Variants in NRG3 observed in about 807,000 individuals in gnomAD.
NRG3 encodes the protein pro-neuregulin-3, membrane-bound isoform.
Under a neutral mutation model 66.9 loss-of-function variants are expected in NRG3, and 31 were observed. That is an observed-to-expected ratio of 0.46 (90% confidence interval 0.35 to 0.63). The LOEUF (loss-of-function observed/expected upper bound fraction) is 0.63, where lower values mean the gene tolerates loss of function less well. NRG3 is among the 20% of genes least tolerant of loss of function. The pLI is 0.00. For missense variants in NRG3, 910 were observed against 878.9 expected, an observed-to-expected ratio of 1.04 and a Z score of -0.45; for synonymous variants, 393 against 359.4, an observed-to-expected ratio of 1.09 and a Z score of -1.06.
At chr10:82,607,319 T>C (rs2133455064) in intron 2 of NRG3, among the ~76,000 whole-genome samples, 1 of 142,756 alleles carries the variant, frequency 7.0e-6, no homozygotes, top group Non-Finnish European at 1.6e-5. Context: ...ACTTTACCCC[T>C]TCTTCATTAT....
At chr10:82,627,152 C>T (rs1426371471) in intron 2 of NRG3, among the ~76,000 whole-genome samples, 1 of 152,162 alleles carries the variant, frequency 6.6e-6, no homozygotes, top group Non-Finnish European at 1.5e-5. Flanking sequence ...CCTGTGGACT[C>T]TGTCGTTGGA....
At chr10:82,115,751 T>G (rs2067669971) in intron 1 of NRG3, among the ~76,000 whole-genome samples, 1 of 152,100 alleles carries the variant, frequency 6.6e-6, no homozygotes, top group Non-Finnish European at 1.5e-5. Flanking sequence ...TATAGAAAAG[T>G]TCTTTTTCTG....
intron 3 of NRG3, among the ~76,000 whole-genome samples, chr10:82,862,440 G>C (rs2064180111): frequency 6.6e-6 from 1 of 152,166 alleles, no homozygotes; most frequent in Non-Finnish European, 1.5e-5. Flanking sequence ...CTTAGATGGA[G>C]ATTTTATATG....
At chr10:82,398,036 ACT>A (rs954238407) in intron 2 of NRG3, among the ~76,000 whole-genome samples, 2 of 151,654 alleles carry the variant, frequency 1.3e-5, no homozygotes, top group African/African-American at 4.9e-5. Context: ...ACTAGGTTAG[ACT>A]CTCTCTGAAA....
intron 1 of NRG3, among the ~76,000 whole-genome samples, chr10:82,098,256 G>A (rs1024050876): frequency 2.6e-4 from 39 of 150,592 alleles, no homozygotes; most frequent in African/African-American, 8.3e-4. Flanking sequence ...ATATATATAT[G>A]TCATATATAG....
chr10:81,948,244 C>A (rs1216284545), intron 1 of NRG3, among the ~76,000 whole-genome samples: 2 of 152,058 alleles, frequency 1.3e-5, no homozygotes, highest in Admixed American at 6.6e-5. Context: ...GAGGGAAAAG[C>A]GAGATTTCCT....
chr10:81,903,671 A>AG (rs1428860994), intron 1 of NRG3, among the ~76,000 whole-genome samples: 1 of 152,232 alleles, frequency 6.6e-6, no homozygotes, highest in Non-Finnish European at 1.5e-5. Flanking sequence ...TTCAGCCACC[A>AG]GGGCCTGACA....
intron 1 of NRG3, among the ~76,000 whole-genome samples, chr10:82,350,139 C>A (rs1317711753): frequency 6.6e-6 from 1 of 152,134 alleles, no homozygotes; most frequent in Non-Finnish European, 1.5e-5. Context: ...ATAAAAAAAC[C>A]TTGATTATTA....
At chr10:82,793,155 T>C (rs2135386131) in intron 3 of NRG3, among the ~76,000 whole-genome samples, 1 of 152,242 alleles carries the variant, frequency 6.6e-6, no homozygotes, top group African/African-American at 2.4e-5. Context: ...TCATTCCATC[T>C]GGAGTAATTC....
At chr10:82,965,900 G>C (rs537748160) in intron 6 of NRG3, among the ~76,000 whole-genome samples, 5 of 152,136 alleles carry the variant, frequency 3.3e-5, no homozygotes, top group African/African-American at 1.2e-4. Context: ...AGCAATTAAG[G>C]GAAGACTGAA....
At chr10:82,448,794 A>G (rs1326086932) in intron 2 of NRG3, among the ~76,000 whole-genome samples, 1 of 152,144 alleles carries the variant, frequency 6.6e-6, no homozygotes, top group Non-Finnish European at 1.5e-5. Context: ...TTATATATTC[A>G]TGCATACATA....
chr10:82,710,586 CAAAAAAAAAAAAA>C (rs59857324), intron 2 of NRG3, among the ~76,000 whole-genome samples: 1 of 73,756 alleles, frequency 1.4e-5, no homozygotes, highest in South Asian at 6.8e-4. Flanking sequence ...GACTCCATCT[CAAAAAAAAAAAAA>C]AAAAAAAAAA....
At chr10:82,170,305 G>A (rs1371119954) in intron 1 of NRG3, among the ~76,000 whole-genome samples, 1 of 151,962 alleles carries the variant, frequency 6.6e-6, no homozygotes, top group African/African-American at 2.4e-5. Context: ...GAGTACTACT[G>A]TCCAAAAGAC....
At chr10:82,799,282 C>G (rs1297326640) in intron 3 of NRG3, among the ~76,000 whole-genome samples, 2 of 152,056 alleles carry the variant, frequency 1.3e-5, no homozygotes, top group South Asian at 4.1e-4. Context: ...AATCCTAGCA[C>G]TTTGAGAGGC....
intron 7 of NRG3, 58 bp from the exon 8 acceptor site, chr10:82,978,892 G>C: frequency 6.4e-7 from 1 of 1,558,970 alleles, no homozygotes; most frequent in African/African-American, 1.3e-5. Flanking sequence ...CACCTGTGAG[G>C]TTATTGCTAT....
At chr10:82,536,550 T>G (rs571336805) in intron 2 of NRG3, among the ~76,000 whole-genome samples, 1 of 152,278 alleles carries the variant, frequency 6.6e-6, no homozygotes, top group African/African-American at 2.4e-5. Flanking sequence ...TTTTTTTGTT[T>G]GCTCGTACTC....
intron 1 of NRG3, among the ~76,000 whole-genome samples, chr10:82,077,778 A>G (rs1255415196): frequency 6.6e-6 from 1 of 152,174 alleles, no homozygotes; most frequent in East Asian, 1.9e-4. Context: ...ATTTTTCATG[A>G]TTTTGTTTAT....
intron 1 of NRG3, among the ~76,000 whole-genome samples, chr10:81,908,668 A>C (rs1844827267): frequency 6.6e-6 from 1 of 152,176 alleles, no homozygotes; most frequent in South Asian, 2.1e-4. Context: ...GAATGGGAAA[A>C]AGTGGACACC....
rs17101154 is a variant in NRG3 at position 82,970,118 on chromosome 10, T to C, written c.1285-3670T>C. Among the ~76,000 whole-genome samples the C allele has an allele frequency of 5.6e-3, 857 of 152,304 alleles. 20 individuals are homozygous for C. Among genetic ancestry groups the C allele is most frequent in the East Asian group, 0.041 (214 of 5,190 alleles). On this transcript the variant is annotated intron_variant, in intron 6 of 8. Transcript: ENST00000372141. ...TTGTGCTGCTGATGTACCCTGGAAA[T>C]TATTATTTTGAACTTTTGCAATTAT...
Sources: allele counts gnomAD v4.1 joint callset (sites outside exome capture counted in the v4.1 genomes callset), GRCh38; gene constraint gnomAD v4.1.1; transcripts MANE v1.5; gene names NCBI Gene and HGNC (gene_info 2026-07-23, HGNC 2026-07-21).